The following SHISA9 variants were observed in gnomAD, a reference collection of about 807,000 sequenced individuals.
SHISA9 encodes the protein shisa family member 9, also known as protein shisa-9.
Under a neutral mutation model 38.0 loss-of-function variants are expected in SHISA9, and 13 were observed. The observed-to-expected ratio is 0.34, with a 90% CI of 0.22 to 0.54. The LOEUF (loss-of-function observed/expected upper bound fraction) is 0.54. SHISA9 is among the 20% of genes least tolerant of loss of function. SHISA9 has a pLI of 0.91. For synonymous variants in SHISA9, 275 were observed against 242.0 expected, an observed-to-expected ratio of 1.14 and a Z score of -1.27; for missense variants, 538 against 575.8, an observed-to-expected ratio of 0.93 and a Z score of 0.67.
At chr16:13,050,778 A>G (rs2073242456) in intron 2 of SHISA9, among the ~76,000 whole-genome samples, 1 of 152,222 alleles carries the variant, frequency 6.6e-6, no homozygotes, top group Non-Finnish European at 1.5e-5. Context: ...AACAGATTGG[A>G]ACTCAGTCAT....
At chr16:13,464,592 A>G in the SHISA9 span, among the ~76,000 whole-genome samples, 2 of 152,162 alleles carry the variant, frequency 1.3e-5, no homozygotes. Context: ...TCAAGCTGAA[A>G]TTGCCTCCCT....
intron 2 of SHISA9, among the ~76,000 whole-genome samples, chr16:13,084,695 C>T (rs1386758262): frequency 6.6e-6 from 1 of 152,164 alleles, no homozygotes; most frequent in Non-Finnish European, 1.5e-5. Flanking sequence ...GAACATATGA[C>T]TGAGGGACCT....
the SHISA9 span, among the ~76,000 whole-genome samples, chr16:13,532,572 TG>T: frequency 6.6e-6 from 1 of 152,062 alleles, no homozygotes; most frequent in South Asian, 2.1e-4. Context: ...TGTGTGTGTG[TG>T]TGTGTGTGTG....
At chr16:13,218,633 G>A (rs917819717) in intron 4 of SHISA9, among the ~76,000 whole-genome samples, 4 of 152,162 alleles carry the variant, frequency 2.6e-5, no homozygotes, top group African/African-American at 9.7e-5. Context: ...CATCTGTCAC[G>A]TGGAAAGAAT....
the SHISA9 span, among the ~76,000 whole-genome samples, chr16:13,343,679 C>G: frequency 2.6e-5 from 4 of 152,098 alleles, no homozygotes; most frequent in East Asian, 7.7e-4. Context: ...CCATTTCTTT[C>G]AGAATTGTAG....
At chr16:13,456,168 T>C in the SHISA9 span, among the ~76,000 whole-genome samples, 1 of 152,352 alleles carries the variant, frequency 6.6e-6, no homozygotes, top group South Asian at 2.1e-4. Context: ...TGCCAATTTC[T>C]TGTGAATCTG....
chr16:13,144,331 T>C (rs1354156571), intron 2 of SHISA9, among the ~76,000 whole-genome samples: 1 of 152,068 alleles, frequency 6.6e-6, no homozygotes, highest in Non-Finnish European at 1.5e-5. Context: ...TTTTGTATTT[T>C]TAGTAGAGAC....
Position 13,153,909 on chromosome 16 carries a change from G to A in SHISA9, c.692-49485G>A, listed in dbSNP as rs550134041. ...CAGATGGTTCACCAACAAGCACGTG[G>A]CTGAAGCTCCTGTTGCAAATAGAGG... On this transcript the variant is annotated intron_variant, in intron 2 of 4. Coordinates refer to ENST00000558583, the MANE Select transcript of SHISA9 (RefSeq NM_001145204.3). Among the ~76,000 whole-genome samples the A allele has an allele frequency of 4.6e-5, 7 of 150,680 alleles. No individual in the cohort carries two copies. The South Asian group carries it at 8.5e-4, about 18-fold the overall frequency.
the SHISA9 span, among the ~76,000 whole-genome samples, chr16:13,456,809 A>C: frequency 6.6e-6 from 1 of 152,260 alleles, no homozygotes; most frequent in East Asian, 1.9e-4. Context: ...CAGGACACCA[A>C]GTCCCAGGTA....
the SHISA9 span, among the ~76,000 whole-genome samples, chr16:13,497,134 A>C: frequency 6.6e-6 from 1 of 152,200 alleles, no homozygotes; most frequent in Non-Finnish European, 1.5e-5. Context: ...GTTGTTATTC[A>C]TCTTTTTTTA....
intron 2 of SHISA9, among the ~76,000 whole-genome samples, chr16:12,964,110 G>C (rs192609700): frequency 1.2e-4 from 19 of 152,324 alleles, no homozygotes; most frequent in Admixed American, 2.6e-4. Context: ...CCCTAGGTCT[G>C]TTCTGAATAT....
At chr16:12,960,111 G>A (rs1256990274) in intron 2 of SHISA9, among the ~76,000 whole-genome samples, 1 of 152,022 alleles carries the variant, frequency 6.6e-6, no homozygotes, top group Admixed American at 6.6e-5. Flanking sequence ...TGCTCATTTG[G>A]CGTTTGGCCC....
At chr16:12,956,912 CTAGA>C (rs1285516940) in intron 2 of SHISA9, among the ~76,000 whole-genome samples, 4 of 151,854 alleles carry the variant, frequency 2.6e-5, no homozygotes, top group Non-Finnish European at 5.9e-5. Flanking sequence ...TATATGAAAC[CTAGA>C]TAAAGTTATA....
At chr16:13,104,145 C>G (rs1214140525) in intron 2 of SHISA9, among the ~76,000 whole-genome samples, 1 of 152,102 alleles carries the variant, frequency 6.6e-6, no homozygotes, top group African/African-American at 2.4e-5. Flanking sequence ...ATACGGTTGT[C>G]TAAGGGGGCC....
intron 2 of SHISA9, among the ~76,000 whole-genome samples, chr16:12,928,820 A>G (rs2071426467): frequency 6.6e-6 from 1 of 152,252 alleles, no homozygotes; most frequent in Admixed American, 6.5e-5. Context: ...TTTAGTGCAT[A>G]TATCAAGTCA....
rs551598807 is a variant in SHISA9 at position 13,202,249 on chromosome 16, G to A, written c.692-1145G>A. ...CAGAGCTCAGAGGGCAATTCCTTCC[G>A]TTGCTGAGCATGTTGGGTTCCATCC... On this transcript the variant is annotated intron_variant, in intron 2 of 4. Transcript: ENST00000558583. 1.2e-4 allele frequency among the ~76,000 whole-genome samples: 15 copies of A among 129,744 alleles called. 4 individuals carry two copies. Among genetic ancestry groups the A allele is most frequent in the African/African-American group, 1.9e-4 (6 of 32,410 alleles). The allele number at this position is 129,744 out of a possible 152,430, so 85.1% of individuals were successfully genotyped here.
chr16:13,435,665 G>C, the SHISA9 span, among the ~76,000 whole-genome samples: 1 of 152,194 alleles, frequency 6.6e-6, no homozygotes, highest in Non-Finnish European at 1.5e-5. Flanking sequence ...ATCAAGCCAG[G>C]TTCATTCTGC....
the SHISA9 span, among the ~76,000 whole-genome samples, chr16:13,430,904 C>T: frequency 7.1e-6 from 1 of 141,288 alleles, no homozygotes; most frequent in African/African-American, 2.7e-5. Flanking sequence ...GGGCAACAGA[C>T]CTAGTTTCTG....
the SHISA9 span, among the ~76,000 whole-genome samples, chr16:13,501,154 T>C: frequency 6.6e-6 from 1 of 152,124 alleles, no homozygotes; most frequent in Non-Finnish European, 1.5e-5. Context: ...CAGGAAACAT[T>C]TGGGAATTTC....
Sources: allele counts gnomAD v4.1 joint callset (sites outside exome capture counted in the v4.1 genomes callset), GRCh38; gene constraint gnomAD v4.1.1; transcripts MANE v1.5; gene names NCBI Gene and HGNC (gene_info 2026-07-23, HGNC 2026-07-21).